Variants in SLC39A8 observed in about 807,000 individuals in gnomAD.
SLC39A8 encodes solute carrier family 39 member 8.
A neutral mutation model predicts 40.4 loss-of-function variants in SLC39A8; 15 were observed. The ratio of observed to expected loss-of-function variants is 0.37; its 90% CI spans 0.25 to 0.57. The LOEUF is 0.57. Ranked by LOEUF, SLC39A8 falls within the 20% of genes least tolerant of loss-of-function variation. SLC39A8 has a pLI of 0.75. For synonymous variants in SLC39A8, 223 were observed against 221.6 expected, an observed-to-expected ratio of 1.01 and a Z score of -0.06; for missense variants, 472 against 558.8, an observed-to-expected ratio of 0.84 and a Z score of 1.57.
At chr4:102,338,688 T>C (rs967879168) in intron 2 of SLC39A8, among the ~76,000 whole-genome samples, 2 of 152,156 alleles carry the variant, frequency 1.3e-5, no homozygotes, top group African/African-American at 4.8e-5. Context: ...TTCTAGATTG[T>C]AATTCAAAAA....
At chr4:102,300,104 T>C (rs1308254930) in intron 6 of SLC39A8, among the ~76,000 whole-genome samples, 1 of 151,984 alleles carries the variant, frequency 6.6e-6, no homozygotes, top group African/African-American at 2.4e-5. Context: ...TTTTTACCCC[T>C]CTGTGACCCC....
chr4:102,311,894 A>T (rs1318216324), intron 3 of SLC39A8, among the ~76,000 whole-genome samples: 1 of 152,080 alleles, frequency 6.6e-6, no homozygotes, highest in Non-Finnish European at 1.5e-5. Context: ...AAGTTATATG[A>T]AAAATCCAGT....
intron 2 of SLC39A8, among the ~76,000 whole-genome samples, chr4:102,321,525 T>A (rs1208252628): frequency 2.0e-5 from 3 of 152,224 alleles, no homozygotes; most frequent in African/African-American, 7.2e-5. Context: ...AGGTCGTTTT[T>A]TTCTTTTTTC....
exon 12 of SLC39A8, chr4:102,253,091 A>G: frequency 4.3e-6 from 1 of 230,138 alleles, no homozygotes; most frequent in Non-Finnish European, 8.3e-6. Context: ...TACATTTGCA[A>G]TGACTCTATT....
chr4:102,297,922 C>CAACAA (rs1478192814), intron 6 of SLC39A8, among the ~76,000 whole-genome samples: 1 of 151,572 alleles, frequency 6.6e-6, no homozygotes, highest in Non-Finnish European at 1.5e-5. Context: ...TGTCCTAAAA[C>CAACAA]AACAAAACAA....
At chr4:102,340,390 T>C (rs921953161) in intron 2 of SLC39A8, among the ~76,000 whole-genome samples, 1 of 152,108 alleles carries the variant, frequency 6.6e-6, no homozygotes, top group Non-Finnish European at 1.5e-5. Flanking sequence ...AAATACAGGA[T>C]TGCATTGAAG....
intron 4 of SLC39A8, among the ~76,000 whole-genome samples, chr4:102,305,315 C>T (rs1237326174): frequency 2.0e-5 from 3 of 151,912 alleles, no homozygotes; most frequent in Non-Finnish European, 4.4e-5. Context: ...AAAAACCTTA[C>T]AACTAGAAGT....
At chr4:102,325,421 ACT>A (rs1253071359) in intron 2 of SLC39A8, among the ~76,000 whole-genome samples, 6 of 115,238 alleles carry the variant, frequency 5.2e-5, no homozygotes, top group African/African-American at 1.9e-4. Flanking sequence ...ATACACACAC[ACT>A]CACATGCATA....
In SLC39A8 at chr4:102,304,393, G is replaced by A; in HGVS notation, c.764C>T (p.Thr255Ile). The change falls in exon 6 of 9, where the codon ACA (threonine) becomes ATA (isoleucine). Residue 255 changes from threonine to isoleucine, a missense_variant. Physicochemically the swap from Thr to Ile is moderately conservative, Grantham distance 89 (BLOSUM62 -1). This residue lies in a region of SLC39A8 where 239 missense variants were observed against 317.9 expected (regional missense o/e 0.75). Coordinates refer to ENST00000356736, the MANE Select transcript of SLC39A8 (RefSeq NM_001135146.2). The part of the protein sequence containing the change: ...PKALPAINGV[T>I]CYANPAVTEA... Reference sequence around the variant, plus strand: ...TGTGACAGCAGGATTTGCATAGCATGTCACACCATTGATGGCAGGTAATGC... The same window carrying A: ...TGTGACAGCAGGATTTGCATAGCATATCACACCATTGATGGCAGGTAATGC... 3 of 1,611,594 alleles carry A rather than the reference G, an allele frequency of 1.9e-6. No homozygotes were observed. The highest frequency in any genetic ancestry group is 2.2e-5 in the South Asian group (2 of 90,992).
chr4:102,304,832 A>G lies in SLC39A8; in HGVS notation c.675+157T>C, dbSNP rs57614926. 0.02 allele frequency among the ~76,000 whole-genome samples: 3,082 copies of G among 151,898 alleles called. 91 individuals carry two copies. The highest frequency in any genetic ancestry group is 0.069 in the African/African-American group (2,878 of 41,482). ...AACATGAATCAAGTATTTATCTTAT[A>G]CTTGTCAATATATTGACTCTTTGTT... On this transcript the variant is annotated intron_variant, in intron 5 of 8. Coordinates refer to ENST00000356736, the MANE Select transcript of SLC39A8 (RefSeq NM_001135146.2).
intron 2 of SLC39A8, among the ~76,000 whole-genome samples, chr4:102,335,678 CA>C (rs1735635640): frequency 6.6e-6 from 1 of 152,118 alleles, no homozygotes; most frequent in Non-Finnish European, 1.5e-5. Context: ...GTAATAATTT[CA>C]ATGCACATTG....
intron 6 of SLC39A8, 43 bp downstream of exon 6, chr4:102,304,274 A>G: frequency 6.7e-7 from 1 of 1,503,532 alleles, no homozygotes; most frequent in Non-Finnish European, 9.2e-7. Context: ...TACACAGTAT[A>G]AAGAATGCAG....
intron 2 of SLC39A8, among the ~76,000 whole-genome samples, chr4:102,328,770 A>C (rs1024413438): frequency 1.3e-5 from 2 of 152,172 alleles, no homozygotes; most frequent in African/African-American, 2.4e-5. Context: ...TCACGCCTGT[A>C]ATCCCAGCAC....
rs143831294 is a variant in SLC39A8 at position 102,289,999 on chromosome 4, A to G, written c.840+14318T>C. Among the ~76,000 whole-genome samples the G allele has an allele frequency of 2.7e-4, 41 of 152,312 alleles. No homozygotes were observed. The East Asian group carries it at 7.7e-3, about 29-fold the overall frequency. On this transcript the variant is annotated intron_variant, in intron 6 of 8. Transcript: ENST00000356736. Reference sequence around the variant, plus strand: ...GTTCTACTGTGGGTAAAATGCTGTCAAACAGCATGTTCTCGCATGTACAGA... The same window carrying G: ...GTTCTACTGTGGGTAAAATGCTGTCGAACAGCATGTTCTCGCATGTACAGA...
chr4:102,339,541 A>G (rs757243489), intron 2 of SLC39A8, among the ~76,000 whole-genome samples: 4 of 152,126 alleles, frequency 2.6e-5, no homozygotes, highest in East Asian at 1.9e-4. Context: ...ATGAGCCCGG[A>G]GTTATTCTTT....
chr4:102,258,578 C>G (rs1430179111), downstream of SLC39A8, among the ~76,000 whole-genome samples: 3 of 152,190 alleles, frequency 2.0e-5, no homozygotes, highest in Non-Finnish European at 2.9e-5. Context: ...GAATCCTTCT[C>G]TTTTATTTCC....
intron 6 of SLC39A8, among the ~76,000 whole-genome samples, chr4:102,284,880 A>G (rs1001236848): frequency 1.3e-5 from 2 of 152,112 alleles, no homozygotes; most frequent in Non-Finnish European, 2.9e-5. Flanking sequence ...TTTCCAATAT[A>G]TATTTTGTAA....
intron 11 of SLC39A8, among the ~76,000 whole-genome samples, chr4:102,256,468 T>C (rs1268439940): frequency 6.6e-6 from 1 of 152,222 alleles, no homozygotes; most frequent in Non-Finnish European, 1.5e-5. Flanking sequence ...GTTACAGTCT[T>C]TTATCTAGTC....
chr4:102,309,204 T>A (rs192959458), intron 3 of SLC39A8, among the ~76,000 whole-genome samples: 1 of 151,950 alleles, frequency 6.6e-6, no homozygotes, highest in Admixed American at 6.6e-5. Context: ...GACCAAACCA[T>A]GGCTCCTGCC....
Sources: allele counts gnomAD v4.1 joint callset (sites outside exome capture counted in the v4.1 genomes callset), GRCh38; gene constraint gnomAD v4.1.1; regional missense constraint gnomAD v4.1.1; transcripts MANE v1.5; gene names NCBI Gene and HGNC (gene_info 2026-07-23, HGNC 2026-07-21).